The following BASP1 variants were observed in gnomAD, a reference collection of about 807,000 sequenced individuals.
BASP1 encodes the protein brain abundant membrane attached signal protein 1, also known as brain acid soluble protein 1.
A neutral mutation model predicts 2.2 loss-of-function variants in BASP1; 1 was observed. That is an observed-to-expected ratio of 0.46 (90% confidence interval 0.16 to 2.17). The LOEUF (loss-of-function observed/expected upper bound fraction) is 2.17. Ranked by LOEUF, BASP1 falls within the 30% of genes most tolerant of loss-of-function variation. The pLI is 0.27. For synonymous variants in BASP1, 187 were observed against 154.2 expected, an observed-to-expected ratio of 1.21 and a Z score of -1.58; for missense variants, 352 against 327.2, an observed-to-expected ratio of 1.08 and a Z score of -0.58.
chr5:17,243,042 A>G, intron 1 of BASP1, among the ~76,000 whole-genome samples: 1 of 152,158 alleles, frequency 6.6e-6, no homozygotes, highest in East Asian at 1.9e-4. Context: ...TGTAAAGGGA[A>G]ATGGAACATT....
At chr5:17,219,268 T>A (rs1739342533) in intron 1 of BASP1, among the ~76,000 whole-genome samples, 1 of 152,092 alleles carries the variant, frequency 6.6e-6, no homozygotes, top group South Asian at 2.1e-4. Context: ...ATCTCCATCA[T>A]CCAGCCACCC....
chr5:17,243,217 T>C (rs1225170881), intron 1 of BASP1, among the ~76,000 whole-genome samples: 1 of 151,926 alleles, frequency 6.6e-6, no homozygotes, highest in African/African-American at 2.4e-5. Flanking sequence ...GCCGCGATCT[T>C]GACTCACTGC....
chr5:17,273,973 G>GA (rs948049927), intron 1 of BASP1, among the ~76,000 whole-genome samples: 1 of 151,640 alleles, frequency 6.6e-6, no homozygotes, highest in Non-Finnish European at 1.5e-5. Flanking sequence ...GGACTTGAAG[G>GA]AAAAAAAATG....
chr5:17,269,725 T>C (rs1740492495), intron 1 of BASP1, among the ~76,000 whole-genome samples: 1 of 152,208 alleles, frequency 6.6e-6, no homozygotes, highest in Non-Finnish European at 1.5e-5. Flanking sequence ...TGACATATGA[T>C]AAACAAACAG....
At chr5:17,257,831 C>T (rs1740244554) in intron 1 of BASP1, among the ~76,000 whole-genome samples, 1 of 152,184 alleles carries the variant, frequency 6.6e-6, no homozygotes, top group African/African-American at 2.4e-5. Context: ...ACAGGGCAGG[C>T]TATAAACCTT....
chr5:17,248,423 T>C (rs2126505636), intron 1 of BASP1, among the ~76,000 whole-genome samples: 2 of 152,330 alleles, frequency 1.3e-5, no homozygotes, highest in Admixed American at 1.3e-4. Flanking sequence ...TGAATGTCAA[T>C]ACATATATGG....
intron 1 of BASP1, among the ~76,000 whole-genome samples, chr5:17,261,968 C>T (rs1211436047): frequency 3.3e-5 from 5 of 152,164 alleles, no homozygotes; most frequent in Non-Finnish European, 7.3e-5. Context: ...TTGTTGACAG[C>T]CCATCACCGG....
At chr5:17,254,945 T>C (rs578126808) in intron 1 of BASP1, among the ~76,000 whole-genome samples, 13 of 152,240 alleles carry the variant, frequency 8.5e-5, no homozygotes, top group Non-Finnish European at 1.6e-4. Flanking sequence ...ACGGGTATCT[T>C]GGTAAATGTT....
chr5:17,262,882 T>A (rs1740343937), intron 1 of BASP1, among the ~76,000 whole-genome samples: 1 of 151,926 alleles, frequency 6.6e-6, no homozygotes, highest in African/African-American at 2.4e-5. Flanking sequence ...AGTCTTGCTC[T>A]GGCGCCCAGG....
rs543189838 is a variant in BASP1, at chr5:17,219,484, G to A, written c.-10+1674G>A. The stretch of plus-strand genomic sequence containing the variant: ...AGGCAAATTGTGGATTAAATATTTT[G>A]TACCCGCACACTGTTATTTTCCTTT... On this transcript the variant is annotated intron_variant, in intron 1 of 1. Transcript: ENST00000322611. 5.3e-5 allele frequency among the ~76,000 whole-genome samples: 8 copies of A among 152,280 alleles called. No individual in the cohort carries two copies. In the South Asian group the frequency reaches 1.7e-3, roughly 32 times the overall value.
rs761521963 is a variant in BASP1 at position 17,239,955 on chromosome 5, T to C, written c.-10+22145T>C. Among the ~76,000 whole-genome samples the C allele has an allele frequency of 2.0e-5, 3 of 152,180 alleles. No homozygotes were observed. The East Asian group carries it at 5.8e-4, about 29-fold the overall frequency. ...GAGATGTAATTTTAAAGTGACCCTA[T>C]GCTATGGTTTGAATATATGTGTTCC... On this transcript the variant is annotated intron_variant, in intron 1 of 1. Coordinates refer to ENST00000322611, the MANE Select transcript of BASP1 (RefSeq NM_006317.5).
At position 17,275,111 on chromosome 5, in the gene BASP1, C is replaced by T; in HGVS notation, c.-9-97C>T. 1 of 1,128,214 alleles carries T rather than the reference C, an allele frequency of 8.9e-7. No homozygotes were observed. The highest frequency in any genetic ancestry group is 2.4e-5 in the East Asian group (1 of 41,676). The allele number at this position is 1,128,214 out of a possible 1,614,324, so 69.9% of individuals were successfully genotyped here. On this transcript the variant is annotated intron_variant, in intron 1 of 1. Transcript: ENST00000322611. The surrounding 1 kb of genome is among the most constrained non-coding windows in gnomAD (Gnocchi z 5.3). Reference sequence around the variant, plus strand: ...CACCCCTTTGGGGTGTGCAGTGCAGCAGGCCCAGAACCCCTTGCTTTGCAA... The same window carrying T: ...CACCCCTTTGGGGTGTGCAGTGCAGTAGGCCCAGAACCCCTTGCTTTGCAA...
Position 17,276,754 on chromosome 5 carries a change from A to C in BASP1, c.*854A>C, listed in dbSNP as rs1225522270. The C allele has an allele frequency of 3.0e-5, 5 of 166,956 alleles. No individual in the cohort carries two copies. Among genetic ancestry groups the C allele is most frequent in the African/African-American group, 9.7e-5 (4 of 41,446 alleles). 10.3% of individuals were successfully genotyped at this position (166,956 alleles called of 1,614,324 possible). A position where few individuals can be genotyped will look rare whatever the true frequency, so the allele number is the denominator to read the frequency against. ...AAAAAAAAAACAAAAAAAAAACAAAAAAATGTACAATGGATGCATTGAAAT... is the reference window on the plus strand; with the variant it reads ...AAAAAAAAAACAAAAAAAAAACAAACAAATGTACAATGGATGCATTGAAAT... On this transcript the variant is annotated 3_prime_UTR_variant, in exon 2 of 2. Coordinates refer to ENST00000322611, the MANE Select transcript of BASP1 (RefSeq NM_006317.5).
chr5:17,265,857 T>A (rs1268296814), intron 1 of BASP1, among the ~76,000 whole-genome samples: 1 of 152,242 alleles, frequency 6.6e-6, no homozygotes, highest in Non-Finnish European at 1.5e-5. Context: ...GCAGGAGTCT[T>A]GACCCAAACC....
intron 1 of BASP1, among the ~76,000 whole-genome samples, chr5:17,223,024 CT>C (rs60501183): frequency 2.4e-4 from 36 of 147,978 alleles, no homozygotes; most frequent in Admixed American, 2.7e-4. Context: ...TTTATAAACT[CT>C]TTTTTTTTTT....
rs1397859126 is a variant in BASP1 at position 17,275,612 on chromosome 5, C to G, written c.396C>G (p.Ser132Arg). Residue 132 changes from serine (S) to arginine (R), a missense_variant, in exon 2 of 2, where the codon AGC becomes AGG. Physicochemically the swap from Ser to Arg is moderately radical, Grantham distance 110. Coordinates refer to ENST00000322611, the MANE Select transcript of BASP1 (RefSeq NM_006317.5). This position sits in a 1 kb window ranked among gnomAD's most constrained non-coding sequence, Gnocchi z 5.3. ...AGGCCGCCGCGGCCCCGGCCGAGAG[C>G]GCGGCCCCTGCCGCCGGGGAGGAGC... ...AAEAAAAPAE[S>R]AAPAAGEEPS... The G allele has an allele frequency of 6.8e-7, 1 of 1,468,194 alleles. No homozygotes were observed. The highest frequency in any genetic ancestry group is 9.0e-7 in the Non-Finnish European group (1 of 1,113,336). The allele number at this position is 1,468,194 out of a possible 1,614,324, so 90.9% of individuals were successfully genotyped here. A position where few individuals can be genotyped will look rare whatever the true frequency, so the allele number is the denominator to read the frequency against.
At chr5:17,243,836 G>A (rs761182491) in intron 1 of BASP1, among the ~76,000 whole-genome samples, 2 of 152,138 alleles carry the variant, frequency 1.3e-5, no homozygotes, top group Non-Finnish European at 2.9e-5. Context: ...GGTTCTCACC[G>A]AATGCTTGTC....
chr5:17,237,621 C>CTT (rs10607958), intron 1 of BASP1, among the ~76,000 whole-genome samples: 2 of 141,394 alleles, frequency 1.4e-5, no homozygotes. Context: ...CCTGACATTG[C>CTT]TTTTTTTTTT....
chr5:17,222,960 G>C (rs1199959903), intron 1 of BASP1, among the ~76,000 whole-genome samples: 1 of 152,026 alleles, frequency 6.6e-6, no homozygotes. Flanking sequence ...AAAATGGTGT[G>C]CAGTGGAGAA....
Sources: allele counts gnomAD v4.1 joint callset (sites outside exome capture counted in the v4.1 genomes callset), GRCh38; gene constraint gnomAD v4.1.1; non-coding constraint Gnocchi (gnomAD v3.1); transcripts MANE v1.5; gene names NCBI Gene and HGNC (gene_info 2026-07-23, HGNC 2026-07-21).